Variants in CENPE observed in about 807,000 individuals in gnomAD.
The protein encoded by CENPE is centromere-associated protein E.
A neutral mutation model predicts 336.1 loss-of-function variants in CENPE; 145 were observed. The ratio of observed to expected loss-of-function variants is 0.43; its 90% CI spans 0.38 to 0.50. CENPE has a LOEUF of 0.50. Ranked by LOEUF, CENPE falls within the 20% of genes least tolerant of loss-of-function variation. The pLI, the probability that CENPE is intolerant of heterozygous loss-of-function variation, is 0.00. For synonymous variants in CENPE, 1,013 were observed against 984.8 expected (o/e 1.03, Z -0.54); for missense variants, 2,719 against 3,023.3 (o/e 0.90, Z 2.36).
intron 13 of CENPE, among the ~76,000 whole-genome samples, chr4:103,178,234 C>G (rs1756044819): frequency 6.6e-6 from 1 of 152,130 alleles, no homozygotes; most frequent in South Asian, 2.1e-4. Context: ...CTCCTGAGCA[C>G]TGCCAGAGCC....
intron 25 of CENPE, among the ~76,000 whole-genome samples, chr4:103,152,206 A>G (rs1753625590): frequency 6.6e-6 from 1 of 152,206 alleles, no homozygotes; most frequent in South Asian, 2.1e-4. Flanking sequence ...GAAAATCTAC[A>G]ACATACCTCT....
rs2125827129 is a variant in CENPE, at chr4:103,108,864, C to T, written c.7950G>A (p.Lys2650=). ...GAACTGGATGAGGTGATGGTAAAGA[C>T]TTTGATCGGCTATCAAAAAAACAAG... ...PKSCFFDSRS[K]SLPSPHPVRY... is the part of the protein sequence containing the mutation. The change falls in exon 48 of 49, where the codon AAG becomes AAA. Residue 2650 remains lysine (K), a synonymous_variant. Transcript: ENST00000265148. 1 of 1,613,900 alleles carries T rather than the reference C, an allele frequency of 6.2e-7. No homozygotes were observed. Among genetic ancestry groups the T allele is most frequent in the Non-Finnish European group, 8.5e-7 (1 of 1,179,838 alleles).
rs754262969 is a variant in CENPE, at chr4:103,174,732, T to C, written c.1647+4A>G. 2.0e-6 allele frequency: 3 copies of C among 1,506,608 alleles called. No homozygotes were observed. The highest frequency in any genetic ancestry group is 2.7e-6 in the Non-Finnish European group (3 of 1,126,854). The allele number at this position is 1,506,608 out of a possible 1,614,324, so 93.3% of individuals were successfully genotyped here. A position where few individuals can be genotyped will look rare whatever the true frequency, so the allele number is the denominator to read the frequency against. On this transcript the variant is annotated splice_donor_region_variant and intron_variant, in intron 16 of 48. Transcript: ENST00000265148. ...GTTTAGTTTTACATTTCTGTCTCTC[T>C]TACCTCTTGATCTTTTTTAGTTTTT... is the stretch of plus-strand genomic sequence containing the variant.
At chr4:103,168,646 C>T (rs116321419) in intron 16 of CENPE, among the ~76,000 whole-genome samples, 1,541 of 152,284 alleles carry the variant, frequency 0.01, 24 homozygotes, top group African/African-American at 0.034. Context: ...GGGAGACAGG[C>T]GTATCCAAGT....
At chr4:103,158,550 G>C (rs1754150385) in intron 23 of CENPE, 64 bp downstream of exon 23, 5 of 1,514,906 alleles carry the variant, frequency 3.3e-6, no homozygotes, top group Non-Finnish European at 4.4e-6. Flanking sequence ...AATAATAAAT[G>C]ATGGCCTCTG....
chr4:103,115,919 G>A (rs1014029866), intron 45 of CENPE, among the ~76,000 whole-genome samples: 7 of 151,860 alleles, frequency 4.6e-5, no homozygotes. Context: ...TTTTAGTAGA[G>A]GCGGGGTTTC....
intron 44 of CENPE, among the ~76,000 whole-genome samples, chr4:103,118,960 T>C (rs1347277983): frequency 6.6e-6 from 1 of 152,226 alleles, no homozygotes; most frequent in Non-Finnish European, 1.5e-5. Flanking sequence ...CAGTTTGCTA[T>C]TTCCTTTGCC....
At chr4:103,165,329 G>A (rs2720470) in intron 16 of CENPE, among the ~76,000 whole-genome samples, 24,119 of 151,992 alleles carry the variant, frequency 0.16, 2,300 homozygotes, top group Non-Finnish European at 0.2. Context: ...TAGGTAGACG[G>A]TAAAGATTTT....
At position 103,180,404 on chromosome 4, in the gene CENPE, T is replaced by G; in HGVS notation, c.1149A>C (p.Lys383Asn). ...KDQLAQLLEE[K>N]DLLQKVQNEK... ...CATTCTGTACTTTCTGAAGCAAATCTTTTTCTTCCAAAAGTTGGGCCAATT... is the reference window on the plus strand; with the variant it reads ...CATTCTGTACTTTCTGAAGCAAATCGTTTTCTTCCAAAAGTTGGGCCAATT... Residue 383 changes from lysine (K) to asparagine (N), a missense_variant, in exon 13 of 49, where the codon AAA becomes AAC. By Grantham distance (94) the Lys-to-Asn change is moderately conservative. Around this residue, in one of 5 missense-constraint regions of CENPE, gnomAD observed 117 missense variants for 215.8 expected, o/e 0.54. Coordinates refer to ENST00000265148, the MANE Select transcript of CENPE (RefSeq NM_001813.3). 1 of 1,613,052 alleles carries G rather than the reference T, an allele frequency of 6.2e-7. No homozygotes were observed. The highest frequency in any genetic ancestry group is 8.5e-7 in the Non-Finnish European group (1 of 1,179,310).
intron 13 of CENPE, among the ~76,000 whole-genome samples, chr4:103,178,439 A>C (rs970717394): frequency 6.6e-6 from 1 of 152,224 alleles, no homozygotes; most frequent in Non-Finnish European, 1.5e-5. Context: ...TTTCACAAAG[A>C]AAGTATAAAC....
At chr4:103,127,158 T>C (rs1373084555) in intron 42 of CENPE, among the ~76,000 whole-genome samples, 1 of 113,040 alleles carries the variant, frequency 8.8e-6, no homozygotes, top group Non-Finnish European at 1.9e-5. Flanking sequence ...AAAAACAACA[T>C]CTAAGCATAT....
At chr4:103,134,751 T>C (rs1048519674) in intron 40 of CENPE, among the ~76,000 whole-genome samples, 2 of 152,130 alleles carry the variant, frequency 1.3e-5, no homozygotes, top group Non-Finnish European at 2.9e-5. Context: ...TAATTCTAGA[T>C]GTCTGATTAC....
chr4:103,146,275 T>G (rs1426108452), intron 29 of CENPE, among the ~76,000 whole-genome samples, 168 bp from the exon 30 acceptor site: 1 of 152,220 alleles, frequency 6.6e-6, no homozygotes, highest in African/African-American at 2.4e-5. Flanking sequence ...TAATGCTTTT[T>G]AAAAATTGAG....
intron 46 of CENPE, among the ~76,000 whole-genome samples, chr4:103,112,640 G>GTA (rs200266027): frequency 4.6e-4 from 58 of 125,740 alleles, no homozygotes; most frequent in African/African-American, 1.8e-3. Flanking sequence ...ATATATAAGT[G>GTA]GATATATACT....
chr4:103,147,261 C>T (rs1010606808), intron 29 of CENPE, 95 bp downstream of exon 29: 24 of 1,122,492 alleles, frequency 2.1e-5, no homozygotes, highest in African/African-American at 9.5e-5. Context: ...AAACTGGTAA[C>T]ATAATTATAA....
chr4:103,118,597 A>G (rs1750346599), intron 44 of CENPE, among the ~76,000 whole-genome samples: 1 of 152,212 alleles, frequency 6.6e-6, no homozygotes, highest in Non-Finnish European at 1.5e-5. Context: ...ATCTTAAAAA[A>G]TCGCCAAACC....
chr4:103,111,276 T>G (rs1351264109), intron 46 of CENPE, among the ~76,000 whole-genome samples: 3 of 152,202 alleles, frequency 2.0e-5, no homozygotes, highest in African/African-American at 7.2e-5. Flanking sequence ...TCACCCTGAC[T>G]GCAGCAATAG....
chr4:103,116,891 CA>C (rs1358745320), intron 44 of CENPE, among the ~76,000 whole-genome samples: 1 of 151,884 alleles, frequency 6.6e-6, no homozygotes, highest in Non-Finnish European at 1.5e-5. Context: ...CAATTAGAAA[CA>C]TGATTTTTTA....
chr4:103,150,833 T>C (rs1753479912), intron 26 of CENPE, among the ~76,000 whole-genome samples: 1 of 152,186 alleles, frequency 6.6e-6, no homozygotes, highest in Admixed American at 6.5e-5. Context: ...GAGATGGTAA[T>C]AGTGATAAAT....
Sources: allele counts gnomAD v4.1 joint callset (sites outside exome capture counted in the v4.1 genomes callset), GRCh38; gene constraint gnomAD v4.1.1; regional missense constraint gnomAD v4.1.1; transcripts MANE v1.5; gene names NCBI Gene and HGNC (gene_info 2026-07-23, HGNC 2026-07-21).